PTPRM: variants seen among roughly 807,000 people sequenced by gnomAD.
PTPRM encodes receptor-type tyrosine-protein phosphatase mu.
PTPRM carries 47 observed loss-of-function variants against 186.7 expected under a neutral mutation model. The ratio of observed to expected loss-of-function variants is 0.25; its 90% CI spans 0.20 to 0.32. The LOEUF is 0.32. PTPRM is among the 10% of genes least tolerant of loss of function. The pLI is 1.00. For synonymous variants in PTPRM, 668 were observed against 674.9 expected (o/e 0.99, Z 0.16); for missense variants, 1,494 against 1,865.0 (o/e 0.80, Z 3.66).
intron 2 of PTPRM, among the ~76,000 whole-genome samples, chr18:7,867,801 G>T (rs1033006068): frequency 2.0e-5 from 3 of 152,132 alleles, no homozygotes; most frequent in Admixed American, 2.0e-4. Context: ...TTCCAAGTTG[G>T]TTCCATTCTC....
intron 20 of PTPRM, among the ~76,000 whole-genome samples, chr18:8,305,622 G>A (rs569848700): frequency 3.2e-4 from 49 of 152,270 alleles, no homozygotes; most frequent in African/African-American, 1.0e-3. Context: ...CCTAACCTCC[G>A]TGCTCCACTA....
intron 7 of PTPRM, among the ~76,000 whole-genome samples, chr18:8,054,728 G>T (rs1357129767): frequency 2.0e-5 from 3 of 151,796 alleles, no homozygotes; most frequent in Admixed American, 2.0e-4. Flanking sequence ...AAGTTTTTAT[G>T]TTTTTTTGCT....
At chr18:7,934,628 A>G (rs1254708423) in intron 5 of PTPRM, among the ~76,000 whole-genome samples, 6 of 152,238 alleles carry the variant, frequency 3.9e-5, no homozygotes, top group African/African-American at 9.6e-5. Flanking sequence ...AATTGCAGCT[A>G]CATTTACTGA....
At chr18:7,797,674 A>C (rs2043735250) in intron 2 of PTPRM, among the ~76,000 whole-genome samples, 1 of 151,862 alleles carries the variant, frequency 6.6e-6, no homozygotes, top group African/African-American at 2.4e-5. Flanking sequence ...AATGTGGGAA[A>C]GCAGCACCCA....
intron 1 of PTPRM, among the ~76,000 whole-genome samples, chr18:7,572,097 A>G (rs1269442986): frequency 6.6e-6 from 1 of 152,198 alleles, no homozygotes; most frequent in Non-Finnish European, 1.5e-5. Flanking sequence ...AATTACTATA[A>G]CATTCTTAGT....
chr18:7,733,458 G>A (rs1225352771), intron 1 of PTPRM, among the ~76,000 whole-genome samples: 1 of 152,070 alleles, frequency 6.6e-6, no homozygotes, highest in African/African-American at 2.4e-5. Flanking sequence ...GTGTATATGT[G>A]CCACATTTTC....
intron 19 of PTPRM, among the ~76,000 whole-genome samples, chr18:8,289,571 T>TAC (rs1568675267): frequency 8.1e-5 from 10 of 123,634 alleles, no homozygotes; most frequent in Admixed American, 4.1e-4. Flanking sequence ...CACATATATA[T>TAC]ATATACATAT....
intron 14 of PTPRM, among the ~76,000 whole-genome samples, chr18:8,238,486 A>G (rs1490726991): frequency 6.6e-6 from 1 of 151,858 alleles, no homozygotes; most frequent in Non-Finnish European, 1.5e-5. Flanking sequence ...CTCTGCTTAC[A>G]TTACCTATCT....
chr18:7,803,232 G>T (rs1248968661), intron 2 of PTPRM, among the ~76,000 whole-genome samples: 1 of 152,138 alleles, frequency 6.6e-6, no homozygotes, highest in Non-Finnish European at 1.5e-5. Context: ...ATCTCACTGG[G>T]CTAAACTCAG....
At chr18:7,944,001 G>A (rs533428869) in intron 5 of PTPRM, among the ~76,000 whole-genome samples, 8 of 152,222 alleles carry the variant, frequency 5.3e-5, no homozygotes, top group African/African-American at 1.7e-4. Flanking sequence ...GCTGACTGAC[G>A]ACACACAGAA....
intron 2 of PTPRM, among the ~76,000 whole-genome samples, chr18:7,787,933 C>T (rs2043167255): frequency 6.6e-6 from 1 of 152,118 alleles, no homozygotes; most frequent in Non-Finnish European, 1.5e-5. Flanking sequence ...GAGAGTTGAG[C>T]GTGAACTGAG....
chr18:8,216,217 T>G (rs1349333094), intron 14 of PTPRM, among the ~76,000 whole-genome samples: 3 of 152,202 alleles, frequency 2.0e-5, no homozygotes, highest in Non-Finnish European at 4.4e-5. Context: ...TTCTTTAACG[T>G]TTTTCCAACA....
At chr18:7,761,987 A>G (rs562705505) in intron 1 of PTPRM, among the ~76,000 whole-genome samples, 3 of 152,250 alleles carry the variant, frequency 2.0e-5, no homozygotes, top group Admixed American at 2.0e-4. Context: ...TTTTATTCTT[A>G]CCTTTGTTAC....
chr18:8,297,556 G>A (rs1478698010), intron 20 of PTPRM, among the ~76,000 whole-genome samples: 1 of 152,220 alleles, frequency 6.6e-6, no homozygotes, highest in Non-Finnish European at 1.5e-5. Context: ...CCGTACGACT[G>A]AGAAACTGAA....
intron 7 of PTPRM, among the ~76,000 whole-genome samples, chr18:8,026,581 G>A (rs574238966): frequency 6.6e-6 from 1 of 152,292 alleles, no homozygotes; most frequent in African/African-American, 2.4e-5. Context: ...CTTAAGCCGG[G>A]CACAGTGGCT....
intron 1 of PTPRM, among the ~76,000 whole-genome samples, chr18:7,679,194 A>G (rs2039421498): frequency 6.6e-6 from 1 of 152,256 alleles, no homozygotes. Context: ...TACTAACTGC[A>G]GTCATTCATT....
chr18:7,689,772 C>T (rs543543020), intron 1 of PTPRM, among the ~76,000 whole-genome samples: 3 of 152,222 alleles, frequency 2.0e-5, no homozygotes, highest in South Asian at 2.1e-4. Flanking sequence ...TTACTGCACT[C>T]GTTAAGATGG....
intron 7 of PTPRM, among the ~76,000 whole-genome samples, chr18:8,065,722 G>T (rs1242787588): frequency 1.3e-5 from 2 of 152,152 alleles, no homozygotes; most frequent in African/African-American, 4.8e-5. Context: ...ACAACTAGTG[G>T]TCCTATGAAT....
intron 4 of PTPRM, among the ~76,000 whole-genome samples, chr18:7,917,474 T>C (rs2050627491): frequency 1.3e-5 from 2 of 152,256 alleles, no homozygotes; most frequent in African/African-American, 4.8e-5. Flanking sequence ...AGGCGGAGGT[T>C]GCAGTGAGCC....
Sources: allele counts gnomAD v4.1 joint callset (sites outside exome capture counted in the v4.1 genomes callset), GRCh38; gene constraint gnomAD v4.1.1; transcripts MANE v1.5; gene names NCBI Gene and HGNC (gene_info 2026-07-23, HGNC 2026-07-21).